The following ASTN1 variants were observed in gnomAD, a reference collection of about 807,000 sequenced individuals.
The protein encoded by ASTN1 is astrotactin-1.
ASTN1 carries 41 observed loss-of-function variants against 140.7 expected under a neutral mutation model. That is an observed-to-expected ratio of 0.29 (90% CI 0.23 to 0.38). The LOEUF (loss-of-function observed/expected upper bound fraction) is 0.38. Among genes scored for constraint, ASTN1 ranks in the 10% least tolerant of loss-of-function variants. The pLI is 1.00. For missense variants in ASTN1, 1,479 were observed against 1,678.8 expected, an observed-to-expected ratio of 0.88 and a Z score of 2.08; for synonymous variants, 640 against 652.2, an observed-to-expected ratio of 0.98 and a Z score of 0.29.
intron 1 of ASTN1, among the ~76,000 whole-genome samples, chr1:177,101,005 A>C (rs1217183358): frequency 1.3e-5 from 2 of 152,204 alleles, no homozygotes; most frequent in Non-Finnish European, 2.9e-5. Flanking sequence ...AGGCAGCAGA[A>C]TCGCTTGAAC....
chr1:177,068,742 T>A (rs1032982500), intron 1 of ASTN1, among the ~76,000 whole-genome samples: 1 of 152,148 alleles, frequency 6.6e-6, no homozygotes, highest in Non-Finnish European at 1.5e-5. Flanking sequence ...GGCACCTGGA[T>A]AAATGTCTTT....
At chr1:176,873,824 C>A (rs570311556) in intron 21 of ASTN1, among the ~76,000 whole-genome samples, 4 of 152,146 alleles carry the variant, frequency 2.6e-5, no homozygotes, top group African/African-American at 9.6e-5. Flanking sequence ...TTCAGAAACT[C>A]CCTTTATTAA....
intron 8 of ASTN1, among the ~76,000 whole-genome samples, chr1:176,999,521 T>C (rs750259763): frequency 3.9e-5 from 6 of 152,220 alleles, no homozygotes; most frequent in Admixed American, 3.3e-4. Flanking sequence ...TGAACAAGCA[T>C]AGCCAAGAAG....
chr1:176,909,258 A>G (rs1670128449), intron 16 of ASTN1, among the ~76,000 whole-genome samples: 1 of 152,230 alleles, frequency 6.6e-6, no homozygotes, highest in Non-Finnish European at 1.5e-5. Flanking sequence ...ATGATGTTAA[A>G]TGCATAACTA....
downstream of ASTN1, among the ~76,000 whole-genome samples, chr1:176,858,003 C>T (rs1016484137): frequency 6.6e-6 from 1 of 152,104 alleles, no homozygotes; most frequent in African/African-American, 2.4e-5. Flanking sequence ...AAGGAAGTTG[C>T]TCCTAATTAT....
chr1:176,873,013 A>G (rs1158746901), intron 21 of ASTN1, among the ~76,000 whole-genome samples: 1 of 152,238 alleles, frequency 6.6e-6, no homozygotes, highest in African/African-American at 2.4e-5. Context: ...CCTACTGCCT[A>G]GAACAGGTAT....
chr1:177,039,775 ATCCCTG>A (rs1676886998), intron 2 of ASTN1, among the ~76,000 whole-genome samples: 1 of 152,196 alleles, frequency 6.6e-6, no homozygotes, highest in African/African-American at 2.4e-5. Flanking sequence ...TGTAACACTG[ATCCCTG>A]TCAAACAGGA....
intron 1 of ASTN1, among the ~76,000 whole-genome samples, chr1:177,068,556 C>A (rs1571736101): frequency 6.6e-6 from 1 of 152,128 alleles, no homozygotes; most frequent in African/African-American, 2.4e-5. Flanking sequence ...GACAGGAAGC[C>A]TGGAGAATGG....
chr1:176,924,017 T>G (rs1670851210), intron 16 of ASTN1, among the ~76,000 whole-genome samples: 1 of 152,230 alleles, frequency 6.6e-6, no homozygotes, highest in African/African-American at 2.4e-5. Context: ...CTTATACTAT[T>G]TAGCCTCTAG....
chr1:176,921,942 A>G (rs1027956718), intron 16 of ASTN1, among the ~76,000 whole-genome samples: 27 of 152,154 alleles, frequency 1.8e-4, no homozygotes, highest in African/African-American at 6.5e-4. Context: ...AAAAAATATG[A>G]CATTCACTCG....
Position 177,029,744 on chromosome 1 carries a change from G to A in ASTN1, c.1013-3C>T, listed in dbSNP as rs1012341522. 3 of 1,608,728 alleles carry A rather than the reference G, an allele frequency of 1.9e-6. No individual in the cohort carries two copies. The highest frequency in any genetic ancestry group is 1.6e-4 in the Middle Eastern group (1 of 6,080). On this transcript the variant is annotated splice_polypyrimidine_tract_variant and splice_region_variant and intron_variant, in intron 4 of 22. Coordinates refer to ENST00000361833, the MANE Select transcript of ASTN1 (RefSeq NM_004319.3). Reference sequence around the variant, plus strand: ...AGGGTTCAAGAAGGCGGAACCAGCTGTAATGAAAGCAGCATGGTCAAGAAA... The same window carrying A: ...AGGGTTCAAGAAGGCGGAACCAGCTATAATGAAAGCAGCATGGTCAAGAAA...
chr1:177,039,890 C>T (rs1356294622), intron 2 of ASTN1, among the ~76,000 whole-genome samples: 1 of 152,180 alleles, frequency 6.6e-6, no homozygotes, highest in East Asian at 1.9e-4. Context: ...GGAGCTGGCC[C>T]ACTAGAAGCA....
At chr1:177,014,735 C>T in intron 8 of ASTN1, 56 bp downstream of exon 8, 1 of 1,499,236 alleles carries the variant, frequency 6.7e-7, no homozygotes, top group South Asian at 1.1e-5. Context: ...CACGTCATGT[C>T]TGTGTAAGGA....
At chr1:177,142,168 C>T (rs1025485554) in intron 1 of ASTN1, among the ~76,000 whole-genome samples, 3 of 152,056 alleles carry the variant, frequency 2.0e-5, no homozygotes, top group African/African-American at 4.8e-5. Context: ...TTTTTCTGAA[C>T]TTATTGTTAT....
intron 1 of ASTN1, among the ~76,000 whole-genome samples, chr1:177,094,053 T>C (rs1679904465): frequency 6.6e-6 from 1 of 152,214 alleles, no homozygotes; most frequent in South Asian, 2.1e-4. Context: ...ACTCAGATAA[T>C]GACTTCAGCC....
intron 14 of ASTN1, among the ~76,000 whole-genome samples, chr1:176,940,364 T>C (rs1571541297): frequency 1.3e-5 from 2 of 152,252 alleles, no homozygotes; most frequent in East Asian, 1.9e-4. Flanking sequence ...ACTATAACAA[T>C]TGACACCAAA....
At chr1:176,969,071 C>T (rs957166362) in intron 8 of ASTN1, among the ~76,000 whole-genome samples, 2 of 152,076 alleles carry the variant, frequency 1.3e-5, no homozygotes, top group African/African-American at 2.4e-5. Flanking sequence ...CGCTTTGAAA[C>T]GGACTTACTT....
At chr1:176,906,625 G>T (rs1302509760) in intron 16 of ASTN1, among the ~76,000 whole-genome samples, 1 of 152,018 alleles carries the variant, frequency 6.6e-6, no homozygotes, top group Non-Finnish European at 1.5e-5. Flanking sequence ...AGGCTGAGGT[G>T]GGCAGATCGT....
At chr1:176,946,336 C>T (rs1028619207) in intron 12 of ASTN1, among the ~76,000 whole-genome samples, 4 of 152,134 alleles carry the variant, frequency 2.6e-5, no homozygotes, top group Non-Finnish European at 5.9e-5. Flanking sequence ...AATCTCTCAC[C>T]TTTGCTGTGC....
Sources: gnomAD v4.1 joint callset for allele counts (sites outside exome capture counted in the v4.1 genomes callset) on GRCh38, gnomAD v4.1.1 for gene constraint, MANE v1.5 for transcripts, NCBI Gene and HGNC (gene_info 2026-07-23, HGNC 2026-07-21) for gene names.